The following ARHGAP44 variants were observed in gnomAD, a reference collection of about 807,000 sequenced individuals.
ARHGAP44 encodes Rho GTPase activating protein 44.
ARHGAP44 carries 43 observed loss-of-function variants against 106.8 expected under a neutral mutation model. The observed-to-expected ratio is 0.40, with a 90% CI of 0.32 to 0.52. The LOEUF is 0.52. Among genes scored for constraint, ARHGAP44 ranks in the 20% least tolerant of loss-of-function variants. The pLI, the probability that ARHGAP44 is intolerant of heterozygous loss-of-function variation, is 0.48. For synonymous variants in ARHGAP44, 439 were observed against 410.3 expected (o/e 1.07, Z -0.85); for missense variants, 866 against 1,050.5 (o/e 0.82, Z 2.43).
At chr17:12,926,515 TGC>T (rs1013172714) in intron 6 of ARHGAP44, among the ~76,000 whole-genome samples, 9 of 145,632 alleles carry the variant, frequency 6.2e-5, no homozygotes, top group African/African-American at 1.2e-4. Flanking sequence ...ATATTATATA[TGC>T]ATATATATTA....
chr17:12,809,833 CG>C (rs1270329909), intron 1 of ARHGAP44, among the ~76,000 whole-genome samples: 1 of 152,114 alleles, frequency 6.6e-6, no homozygotes, highest in Non-Finnish European at 1.5e-5. Flanking sequence ...GTGGAACTTG[CG>C]GGAGCAGTGG....
intron 20 of ARHGAP44, chr17:12,986,743 G>A (rs1338021114): frequency 5.8e-6 from 1 of 172,184 alleles, no homozygotes; most frequent in Non-Finnish European, 1.2e-5. Context: ...GAAAAGAGCA[G>A]AAGGAGAGGA....
chr17:12,887,689 G>A (rs2036922206), intron 1 of ARHGAP44, among the ~76,000 whole-genome samples: 1 of 152,122 alleles, frequency 6.6e-6, no homozygotes, highest in Non-Finnish European at 1.5e-5. Flanking sequence ...TTTTCTGGAA[G>A]AGATTGTTTA....
intron 1 of ARHGAP44, among the ~76,000 whole-genome samples, chr17:12,886,710 C>CAT (rs2036891019): frequency 2.0e-5 from 3 of 152,220 alleles, no homozygotes; most frequent in Middle Eastern, 3.4e-3. Context: ...GCATTTTCTA[C>CAT]ATAGACTATT....
intron 6 of ARHGAP44, among the ~76,000 whole-genome samples, chr17:12,924,808 G>A (rs1320723146): frequency 3.3e-5 from 5 of 152,188 alleles, no homozygotes; most frequent in Non-Finnish European, 7.3e-5. Flanking sequence ...GAGGTCTCCA[G>A]CCTCTGTCTT....
intron 19 of ARHGAP44, among the ~76,000 whole-genome samples, chr17:12,982,192 C>T (rs2039850396): frequency 6.6e-6 from 1 of 152,158 alleles, no homozygotes; most frequent in African/African-American, 2.4e-5. Flanking sequence ...CCAGTGTAGC[C>T]TAGAGTGACT....
chr17:12,849,299 T>A (rs1006289016), intron 1 of ARHGAP44, among the ~76,000 whole-genome samples: 1 of 152,004 alleles, frequency 6.6e-6, no homozygotes, highest in Non-Finnish European at 1.5e-5. Flanking sequence ...AAGCGCTGGG[T>A]GAAGCCAACA....
chr17:12,850,150 C>G (rs148594028), intron 1 of ARHGAP44, among the ~76,000 whole-genome samples: 323 of 152,224 alleles, frequency 2.1e-3, no homozygotes, highest in African/African-American at 7.4e-3. Context: ...GCCGAGGAAA[C>G]TCAGAGAACA....
At chr17:12,854,564 GAC>G (rs1207215143) in intron 1 of ARHGAP44, among the ~76,000 whole-genome samples, 2 of 152,120 alleles carry the variant, frequency 1.3e-5, no homozygotes, top group Non-Finnish European at 2.9e-5. Context: ...AAGTGAGGTG[GAC>G]CTACAAGTAG....
intron 6 of ARHGAP44, among the ~76,000 whole-genome samples, chr17:12,926,295 G>T (rs1406530367): frequency 6.6e-6 from 1 of 151,334 alleles, no homozygotes; most frequent in Non-Finnish European, 1.5e-5. Context: ...AACCCAGGAG[G>T]TGGAAGTTGC....
chr17:12,820,512 A>G (rs1009975639), intron 1 of ARHGAP44, among the ~76,000 whole-genome samples: 2 of 152,138 alleles, frequency 1.3e-5, no homozygotes, highest in African/African-American at 4.8e-5. Flanking sequence ...TGGAGTTGAT[A>G]AGCTGTTGTG....
chr17:12,940,670 G>A (rs1346841198), intron 7 of ARHGAP44, among the ~76,000 whole-genome samples: 1 of 152,180 alleles, frequency 6.6e-6, no homozygotes, highest in Non-Finnish European at 1.5e-5. Flanking sequence ...CCAGTGGAAT[G>A]ATCAAAGAGA....
intron 4 of ARHGAP44, 28 bp downstream of exon 4, chr17:12,909,001 T>C (rs747313541): frequency 1.3e-6 from 2 of 1,558,798 alleles, no homozygotes; most frequent in South Asian, 2.4e-5. Context: ...GTGAGTTTGG[T>C]GCCAAATCTA....
In ARHGAP44 at chr17:12,895,043, A is replaced by C. The variant is rs569215270; in HGVS notation, c.93+64A>C. ...ATATATGGGAGGCTGAGGCAGGAGA[A>C]TTGCTTGAACCCAGGAGGTGGAGGT... On this transcript the variant is annotated intron_variant, in intron 2 of 20. Coordinates refer to ENST00000379672, the MANE Select transcript of ARHGAP44 (RefSeq NM_014859.6). 64 of 1,505,750 alleles carry C rather than the reference A, an allele frequency of 4.3e-5. No homozygotes were observed. The South Asian group carries it at 6.5e-4, about 15-fold the overall frequency. The allele number at this position is 1,505,750 out of a possible 1,614,324, so 93.3% of individuals were successfully genotyped here. A position where few individuals can be genotyped will look rare whatever the true frequency, so the allele number is the denominator to read the frequency against.
At chr17:12,820,161 T>A (rs2034723888) in intron 1 of ARHGAP44, among the ~76,000 whole-genome samples, 1 of 152,182 alleles carries the variant, frequency 6.6e-6, no homozygotes, top group African/African-American at 2.4e-5. Flanking sequence ...TGTATTGCAG[T>A]TGACTCTGTC....
At chr17:12,833,934 CAGAG>C (rs1212224069) in intron 1 of ARHGAP44, among the ~76,000 whole-genome samples, 1 of 150,092 alleles carries the variant, frequency 6.7e-6, no homozygotes, top group Non-Finnish European at 1.5e-5. Context: ...TAGCAGGCTT[CAGAG>C]AGAATAGATT....
At chr17:12,986,623 CG>C (rs1464580274) in intron 20 of ARHGAP44, 1 of 129,390 alleles carries the variant, frequency 7.7e-6, no homozygotes, top group African/African-American at 3.0e-5. Flanking sequence ...GAGGTGGAGC[CG>C]AGATTGTGCC....
At chr17:12,852,820 C>T (rs778083141) in intron 1 of ARHGAP44, among the ~76,000 whole-genome samples, 10 of 151,846 alleles carry the variant, frequency 6.6e-5, no homozygotes, top group Non-Finnish European at 1.2e-4. Flanking sequence ...GGATTACAGG[C>T]GTGAGCCACT....
intron 1 of ARHGAP44, among the ~76,000 whole-genome samples, chr17:12,842,385 C>T (rs1185564665): frequency 3.5e-5 from 5 of 144,826 alleles, no homozygotes; most frequent in African/African-American, 1.3e-4. Context: ...CCACTGCACT[C>T]CAGCCTGGGT....
Sources: gnomAD v4.1 joint callset for allele counts (sites outside exome capture counted in the v4.1 genomes callset) on GRCh38, gnomAD v4.1.1 for gene constraint, MANE v1.5 for transcripts, NCBI Gene and HGNC (gene_info 2026-07-23, HGNC 2026-07-21) for gene names.